Variants in ACACB observed in about 807,000 individuals in gnomAD.
ACACB encodes the protein acetyl-CoA carboxylase beta.
In ACACB, 209 loss-of-function variants were observed where a neutral mutation model predicts 278.8. That is an observed-to-expected ratio of 0.75 (90% CI 0.67 to 0.84). The LOEUF (loss-of-function observed/expected upper bound fraction) is 0.84, where lower values mean the gene tolerates loss of function less well. Ranked by LOEUF, ACACB falls within the 40% of genes least tolerant of loss-of-function variation. The probability of loss-of-function intolerance (pLI) is 0.00; values close to 1 mark genes in which losing one functional copy is unlikely to be tolerated. For missense variants in ACACB, 2,850 were observed against 3,269.0 expected (o/e 0.87, Z 3.13); for synonymous variants, 1,174 against 1,285.6 (o/e 0.91, Z 1.86).
intron 34 of ACACB, among the ~76,000 whole-genome samples, chr12:109,238,518 G>A (rs1037050821): frequency 1.4e-5 from 2 of 142,334 alleles, no homozygotes; most frequent in African/African-American, 2.6e-5. Flanking sequence ...CATATTATAT[G>A]TATTTATATA....
At chr12:109,138,957 G>C (rs538036258) in intron 1 of ACACB, among the ~76,000 whole-genome samples, 1 of 152,286 alleles carries the variant, frequency 6.6e-6, no homozygotes, top group African/African-American at 2.4e-5. Flanking sequence ...TGTATTCACA[G>C]AGCTGTACAA....
At chr12:109,161,415 C>T (rs1174349486) in intron 2 of ACACB, among the ~76,000 whole-genome samples, 1 of 152,024 alleles carries the variant, frequency 6.6e-6, no homozygotes, top group Non-Finnish European at 1.5e-5. Context: ...TGGTGGCGGG[C>T]ACCTGTAACC....
intron 16 of ACACB, among the ~76,000 whole-genome samples, chr12:109,194,511 C>CGTGTGTGT (rs529461816): frequency 0.054 from 2,911 of 54,266 alleles, 96 homozygotes; most frequent in East Asian, 0.12. Flanking sequence ...TCTGTGTGTG[C>CGTGTGTGT]ATGTGTGTGT....
At chr12:109,166,679 C>CAAAAAAAAAT (rs1225818948) in intron 2 of ACACB, among the ~76,000 whole-genome samples, 182 bp from the exon 3 acceptor site, 1 of 20,844 alleles carries the variant, frequency 4.8e-5, no homozygotes, top group Non-Finnish European at 1.5e-4. Context: ...AAAAAAAAAC[C>CAAAAAAAAAT]GAAGGTGCTT....
intron 19 of ACACB, among the ~76,000 whole-genome samples, chr12:109,202,023 T>C (rs894812346): frequency 3.9e-5 from 6 of 152,132 alleles, no homozygotes; most frequent in African/African-American, 1.4e-4. Context: ...CATCACTTAC[T>C]TGAATACACT....
chr12:109,135,324 T>G (rs1654875), intron 1 of ACACB, among the ~76,000 whole-genome samples: 2 of 151,930 alleles, frequency 1.3e-5, no homozygotes, highest in South Asian at 2.1e-4. Context: ...TATATCTTCA[T>G]TGGAGCAATG....
rs747652621 is a variant in ACACB, at chr12:109,179,903, C to T, written c.1648-14C>T. On this transcript the variant is annotated splice_polypyrimidine_tract_variant and intron_variant, in intron 10 of 52. Coordinates refer to ENST00000338432, the MANE Select transcript of ACACB (RefSeq NM_001093.4). The stretch of plus-strand genomic sequence containing the variant: ...CCTCTGGAACCCCCTTGGCCTCTTT[C>T]TGTTTCTTCACAGTGTGCCATCCGC... The T allele has an allele frequency of 2.0e-5, 32 of 1,594,730 alleles. No homozygotes were observed. Among genetic ancestry groups the T allele is most frequent in the Non-Finnish European group, 4.3e-6 (5 of 1,164,306 alleles).
At chr12:109,235,452 A>G in intron 32 of ACACB, 83 bp downstream of exon 32, 1 of 1,492,406 alleles carries the variant, frequency 6.7e-7, no homozygotes, top group Admixed American at 1.7e-5. Flanking sequence ...TATTTTGTAG[A>G]TTTGGGTGAA....
chr12:109,237,227 C>T lies in ACACB; in HGVS notation c.4509C>T (p.Asn1503=). The T allele has an allele frequency of 1.9e-6, 3 of 1,614,174 alleles. No individual in the cohort carries two copies. Among genetic ancestry groups the T allele is most frequent in the Non-Finnish European group, 8.5e-7 (1 of 1,180,036 alleles). Residue 1503 remains asparagine (N), a synonymous_variant, in exon 34 of 53, where the codon AAC becomes AAT. Coordinates refer to ENST00000338432, the MANE Select transcript of ACACB (RefSeq NM_001093.4). The part of the protein sequence containing the change: ...EPALAFQLEL[N]RMRNFDLTAV... ...CCCTGGCCTTCCAGCTGGAACTTAA[C>T]CGGATGCGTAACTTCGATCTGACCG...
chr12:109,212,601 C>T (rs553760220), intron 21 of ACACB, among the ~76,000 whole-genome samples: 8 of 152,190 alleles, frequency 5.3e-5, no homozygotes, highest in East Asian at 3.9e-4. Context: ...CTAATGCTCC[C>T]GCTGATCTGA....
chr12:109,237,328 A>T lies in ACACB; in HGVS notation c.4610A>T (p.Asp1537Val), dbSNP rs1295869222. The T allele has an allele frequency of 6.2e-7, 1 of 1,614,190 alleles. No homozygotes were observed. Among genetic ancestry groups the T allele is most frequent in the Non-Finnish European group, 8.5e-7 (1 of 1,180,042 alleles). ...AKVKEGVEVTDHRFFIRAIIR... is the reference protein window; with the variant it reads ...AKVKEGVEVTVHRFFIRAIIR... ...GTGAAGGAAGGTGTGGAAGTGACGG[A>T]CCATAGGTTCTTCATCCGCGCCATC... The change falls in exon 34 of 53, where the codon GAC (aspartate) becomes GTC (valine). Residue 1537 changes from aspartate to valine, a missense_variant. Physicochemically the swap from Asp to Val is radical, Grantham distance 152. Around this residue, in one of 3 missense-constraint regions of ACACB, gnomAD observed 2,265 missense variants for 2,561.3 expected, o/e 0.88. Transcript: ENST00000338432.
intron 35 of ACACB, among the ~76,000 whole-genome samples, chr12:109,240,358 A>G (rs1272120319): frequency 6.6e-6 from 1 of 152,000 alleles, no homozygotes; most frequent in Non-Finnish European, 1.5e-5. Context: ...GAGCAGACAG[A>G]CTTTTATGGT....
rs1453204864 is a variant in ACACB at position 109,209,229 on chromosome 12, T to C, written c.3125T>C (p.Leu1042Pro). The change falls in exon 21 of 53, where the codon CTG becomes CCG. Residue 1042 changes from leucine (L) to proline (P), a missense_variant. By Grantham distance (98) the Leu-to-Pro change is moderately conservative. Coordinates refer to ENST00000338432, the MANE Select transcript of ACACB (RefSeq NM_001093.4). ...CACCCGTCACTGCCGCTGCTGGAGC[T>C]GCAGGAGATCATGACCAGCGTGGCA... The part of the protein sequence containing the change: ...LRHPSLPLLE[L>P]QEIMTSVAGR... 1.2e-6 allele frequency: 2 copies of C among 1,611,024 alleles called. No individual in the cohort carries two copies. The highest frequency in any genetic ancestry group is 2.7e-5 in the African/African-American group (2 of 74,920).
At chr12:109,139,366 T>C in intron 1 of ACACB, 31 bp from the exon 2 acceptor site, 1 of 1,571,202 alleles carries the variant, frequency 6.4e-7, no homozygotes, top group South Asian at 1.2e-5. Context: ...ATTATGTAAA[T>C]CCTAAAATGT....
At chr12:109,120,524 G>A (rs570234755) in intron 1 of ACACB, among the ~76,000 whole-genome samples, 123 of 152,270 alleles carry the variant, frequency 8.1e-4, no homozygotes, top group African/African-American at 2.8e-3. Flanking sequence ...TGAGCAGGGG[G>A]CAAGGGGTGT....
At chr12:109,210,270 CAT>C (rs2045749625) in intron 21 of ACACB, among the ~76,000 whole-genome samples, 1 of 19,940 alleles carries the variant, frequency 5.0e-5, no homozygotes, top group Admixed American at 6.7e-4. Flanking sequence ...TGTATATGTA[CAT>C]ATACACACAC....
chr12:109,150,315 G>T lies in ACACB; in HGVS notation c.653+10257G>T, dbSNP rs559375681. Among the ~76,000 whole-genome samples the T allele has an allele frequency of 2.0e-5, 3 of 152,294 alleles. 1 individual carries two copies. In the South Asian group the frequency reaches 6.2e-4, roughly 32 times the overall value. On this transcript the variant is annotated intron_variant, in intron 2 of 52. Transcript: ENST00000338432. ...GAGGTGGTTCAGTAGCCATTAGTTG[G>T]GTGGGCTTCTTCCAAAGTTCTTGCC...
At chr12:109,172,485 C>G (rs1452303753) in intron 6 of ACACB, 129 bp downstream of exon 6, 14 of 804,364 alleles carry the variant, frequency 1.7e-5, no homozygotes, top group Non-Finnish European at 2.4e-5. Context: ...ACACTTCTGT[C>G]GTGAGGAGTG....
chr12:109,165,364 A>T (rs1217250807), intron 2 of ACACB, among the ~76,000 whole-genome samples: 1 of 152,076 alleles, frequency 6.6e-6, no homozygotes, highest in African/African-American at 2.4e-5. Flanking sequence ...TATTATTATT[A>T]TTTTTAATGA....
Sources: allele counts gnomAD v4.1 joint callset (sites outside exome capture counted in the v4.1 genomes callset), GRCh38; gene constraint gnomAD v4.1.1; regional missense constraint gnomAD v4.1.1; transcripts MANE v1.5; gene names NCBI Gene and HGNC (gene_info 2026-07-23, HGNC 2026-07-21).